The following MINPP1 variants were observed in gnomAD, a reference collection of about 807,000 sequenced individuals.
MINPP1 encodes multiple inositol-polyphosphate phosphatase 1.
A neutral mutation model predicts 46.1 loss-of-function variants in MINPP1; 28 were observed. The ratio of observed to expected loss-of-function variants is 0.61; its 90% CI spans 0.45 to 0.83. The LOEUF (loss-of-function observed/expected upper bound fraction) is 0.83. Ranked by LOEUF, MINPP1 falls within the 40% of genes least tolerant of loss-of-function variation. The probability of loss-of-function intolerance (pLI) is 0.00; values close to 1 mark genes in which losing one functional copy is unlikely to be tolerated. For synonymous variants in MINPP1, 268 were observed against 249.1 expected, an observed-to-expected ratio of 1.08 and a Z score of -0.72; for missense variants, 603 against 610.0, an observed-to-expected ratio of 0.99 and a Z score of 0.12.
intron 4 of MINPP1, among the ~76,000 whole-genome samples, chr10:87,544,639 G>A (rs534649596): frequency 1.3e-5 from 2 of 152,134 alleles, no homozygotes; most frequent in African/African-American, 4.8e-5. Context: ...CAGGAAACAG[G>A]AACAAAGACC....
chr10:87,534,349 C>T (rs900275060), intron 4 of MINPP1, among the ~76,000 whole-genome samples: 1 of 152,046 alleles, frequency 6.6e-6, no homozygotes, highest in Non-Finnish European at 1.5e-5. Flanking sequence ...AGGGGTGAGC[C>T]ACAGTGCCCG....
At chr10:87,529,612 C>T (rs1396927508) in intron 4 of MINPP1, among the ~76,000 whole-genome samples, 2 of 152,162 alleles carry the variant, frequency 1.3e-5, no homozygotes, top group Non-Finnish European at 2.9e-5. Context: ...GGTAACCCGA[C>T]CTTTCTCTCT....
At chr10:87,508,198 G>T in intron 1 of MINPP1, 138 bp from the exon 2 acceptor site, 2 of 1,548,270 alleles carry the variant, frequency 1.3e-6, no homozygotes, top group South Asian at 1.2e-5. Context: ...AGAGTTTCCT[G>T]ACCAATATGT....
At chr10:87,524,905 T>C (rs186840065) in intron 4 of MINPP1, among the ~76,000 whole-genome samples, 5 of 152,246 alleles carry the variant, frequency 3.3e-5, no homozygotes, top group Admixed American at 6.5e-5. Flanking sequence ...ATAACAGATA[T>C]AATAATCATA....
At chr10:87,509,211 G>A (rs3842932) in intron 2 of MINPP1, among the ~76,000 whole-genome samples, 112,189 of 152,098 alleles carry the variant, frequency 0.74, 42,108 homozygotes, top group African/African-American at 0.88. Flanking sequence ...AGGAATTTAT[G>A]TTCCATAGGG....
intron 3 of MINPP1, among the ~76,000 whole-genome samples, chr10:87,514,544 T>G (rs1414018160): frequency 6.6e-6 from 1 of 152,136 alleles, no homozygotes. Flanking sequence ...ACATTGGCGT[T>G]TTGGAAGAGT....
intron 4 of MINPP1, among the ~76,000 whole-genome samples, chr10:87,531,004 G>T (rs984819756): frequency 1.3e-4 from 20 of 152,336 alleles, no homozygotes; most frequent in Non-Finnish European, 1.8e-4. Context: ...CTCCGAGCCA[G>T]GCGCAGGATA....
chr10:87,514,521 T>C (rs1403326703), intron 3 of MINPP1, among the ~76,000 whole-genome samples: 18 of 152,192 alleles, frequency 1.2e-4, no homozygotes, highest in Admixed American at 1.0e-3. Flanking sequence ...CCAGCCTTTC[T>C]TTTGTCCTTC....
At chr10:87,549,833 G>A (rs1314541987) in intron 4 of MINPP1, among the ~76,000 whole-genome samples, 1 of 152,110 alleles carries the variant, frequency 6.6e-6, no homozygotes, top group Non-Finnish European at 1.5e-5. Flanking sequence ...TGAGGTTTCT[G>A]CCTAATGGCT....
At chr10:87,508,002 T>C (rs188083233) in intron 1 of MINPP1, 6 of 1,397,184 alleles carry the variant, frequency 4.3e-6, no homozygotes, top group Non-Finnish European at 4.6e-6. Context: ...GTAGAAACTT[T>C]GCTGATTTTT....
At chr10:87,544,721 A>G (rs568869527) in intron 4 of MINPP1, among the ~76,000 whole-genome samples, 1 of 152,340 alleles carries the variant, frequency 6.6e-6, no homozygotes, top group South Asian at 2.1e-4. Flanking sequence ...TACGGAGCCT[A>G]GAGGAATAAA....
chr10:87,518,085 G>A (rs1851439609), intron 3 of MINPP1, among the ~76,000 whole-genome samples: 5 of 148,906 alleles, frequency 3.4e-5, no homozygotes, highest in African/African-American at 7.4e-5. Flanking sequence ...TCAGCCTCCC[G>A]AGCAGCTGGG....
intron 3 of MINPP1, among the ~76,000 whole-genome samples, chr10:87,520,087 A>G (rs1459982124): frequency 2.5e-5 from 1 of 40,432 alleles, no homozygotes; most frequent in Admixed American, 2.4e-4. Flanking sequence ...TGTTGGTAAT[A>G]AATGGTATTA....
Position 87,521,176 on chromosome 10 carries a change from A to C in MINPP1, c.1067+7A>C. 1.2e-6 allele frequency: 2 copies of C among 1,609,502 alleles called. No homozygotes were observed. The highest frequency in any genetic ancestry group is 8.5e-7 in the Non-Finnish European group (1 of 1,177,382). On this transcript the variant is annotated splice_region_variant and intron_variant, in intron 4 of 4. Transcript: ENST00000371996. ...CAGTTGAACAGAAACAAAGGTAAGAACTTTCTAAAAAATGTGAAGTACATT... is the reference window on the plus strand; with the variant it reads ...CAGTTGAACAGAAACAAAGGTAAGACCTTTCTAAAAAATGTGAAGTACATT...
intron 4 of MINPP1, among the ~76,000 whole-genome samples, chr10:87,550,470 G>C (rs1234116525): frequency 6.6e-6 from 1 of 152,006 alleles, no homozygotes; most frequent in African/African-American, 2.4e-5. Flanking sequence ...CTTTTAGTTT[G>C]TTTTGAAATA....
Position 87,505,080 on chromosome 10 carries a change from T to C in MINPP1, c.165T>C (p.Asp55=). The change falls in exon 1 of 5, where the codon GAT becomes GAC. Residue 55 remains aspartate, a synonymous_variant. Transcript: ENST00000371996. This position sits in a 1 kb window ranked among gnomAD's most constrained non-coding sequence, Gnocchi z 4.4. ...TCGGCACCAAGACTCGCTACGAGGA[T>C]GTCAACCCCGTGCTATTGTCGGGCC... ...PYFGTKTRYE[D]VNPVLLSGPE... 6.2e-7 allele frequency: 1 copy of C among 1,613,614 alleles called. No homozygotes were observed. Among genetic ancestry groups the C allele is most frequent in the Non-Finnish European group, 8.5e-7 (1 of 1,179,914 alleles).
intron 1 of MINPP1, among the ~76,000 whole-genome samples, chr10:87,506,206 T>A (rs1851247478): frequency 6.6e-6 from 1 of 152,046 alleles, no homozygotes; most frequent in Admixed American, 6.6e-5. Context: ...ACTCATTTAT[T>A]CCATTAATTA....
chr10:87,551,300 A>C (rs942314071), intron 4 of MINPP1, among the ~76,000 whole-genome samples: 11 of 152,202 alleles, frequency 7.2e-5, no homozygotes, highest in African/African-American at 2.6e-4. Flanking sequence ...AAAGTCAGAC[A>C]GTCATGTTTG....
In MINPP1 at chr10:87,545,803, G is replaced by C. The variant is rs72809983; in HGVS notation, c.1068-6279G>C. Among the ~76,000 whole-genome samples the C allele has an allele frequency of 2.0e-5, 3 of 151,930 alleles. No individual in the cohort carries two copies. In the South Asian group the frequency reaches 6.2e-4, roughly 32 times the overall value. ...GTGTTCCAAATAGCTATTAATTACTGATTGGAGATTTGGCCCAGATACTGG... is the reference window on the plus strand; with the variant it reads ...GTGTTCCAAATAGCTATTAATTACTCATTGGAGATTTGGCCCAGATACTGG... On this transcript the variant is annotated intron_variant, in intron 4 of 4. Coordinates refer to ENST00000371996, the MANE Select transcript of MINPP1 (RefSeq NM_004897.5).
Sources: allele counts gnomAD v4.1 joint callset (sites outside exome capture counted in the v4.1 genomes callset), GRCh38; gene constraint gnomAD v4.1.1; non-coding constraint Gnocchi (gnomAD v3.1); transcripts MANE v1.5; gene names NCBI Gene and HGNC (gene_info 2026-07-23, HGNC 2026-07-21).